The following DAB1 variants were observed in gnomAD, a reference collection of about 807,000 sequenced individuals.
DAB1 encodes the protein DAB adaptor protein 1.
In DAB1, 15 loss-of-function variants were observed where a neutral mutation model predicts 64.6. The observed-to-expected ratio is 0.23, with a 90% CI of 0.16 to 0.36. The LOEUF (loss-of-function observed/expected upper bound fraction) is 0.36, where lower values mean the gene tolerates loss of function less well. DAB1 is among the 10% of genes least tolerant of loss of function. The probability of loss-of-function intolerance (pLI) is 1.00; values close to 1 mark genes in which losing one functional copy is unlikely to be tolerated. For missense variants in DAB1, 596 were observed against 706.7 expected (o/e 0.84, Z 1.78); for synonymous variants, 235 against 251.9 (o/e 0.93, Z 0.64).
chr1:57,708,878 A>G (rs1291437221), intron 6 of DAB1, among the ~76,000 whole-genome samples: 1 of 151,836 alleles, frequency 6.6e-6, no homozygotes, highest in African/African-American at 2.4e-5. Context: ...TTATGTTCAG[A>G]TCAGGCACTG....
At chr1:57,675,963 C>G (rs1201318620) in intron 6 of DAB1, among the ~76,000 whole-genome samples, 1 of 152,116 alleles carries the variant, frequency 6.6e-6, no homozygotes, top group East Asian at 1.9e-4. Context: ...AAACAGCACC[C>G]AGAAGTAGAG....
At chr1:58,033,043 G>A (rs1407397797) in intron 5 of DAB1, among the ~76,000 whole-genome samples, 1 of 152,098 alleles carries the variant, frequency 6.6e-6, no homozygotes, top group African/African-American at 2.4e-5. Flanking sequence ...CCTTTGTGTT[G>A]GATAGCTTTA....
rs7545059 is a variant in DAB1, at chr1:58,263,200, T to A, written n.309+80152A>T. Reference sequence around the variant, plus strand: ...GATTCCTTTTACTTTTTGGGAGCTGTAAAAAGTCCTGCTGTTTGGATAAGA... The same window carrying A: ...GATTCCTTTTACTTTTTGGGAGCTGAAAAAAGTCCTGCTGTTTGGATAAGA... On this transcript the variant is annotated intron_variant and non_coding_transcript_variant, in intron 4 of 20. Transcript: ENST00000485760. Among the ~76,000 whole-genome samples the A allele has an allele frequency of 8.5e-4, 130 of 152,344 alleles. 1 individual carries two copies. The highest frequency in any genetic ancestry group is 3.0e-3 in the African/African-American group (124 of 41,578).
intron 3 of DAB1, among the ~76,000 whole-genome samples, chr1:58,494,293 T>C (rs1217516869): frequency 6.6e-6 from 1 of 152,152 alleles, no homozygotes; most frequent in African/African-American, 2.4e-5. Context: ...ACTTAAATGT[T>C]AGACCTAAAA....
chr1:58,404,884 T>C (rs931460101), intron 3 of DAB1, among the ~76,000 whole-genome samples: 2 of 152,166 alleles, frequency 1.3e-5, no homozygotes, highest in African/African-American at 4.8e-5. Context: ...TGTCTCTCCT[T>C]GTTTTTCCTT....
chr1:57,762,696 T>C (rs1379721147), intron 6 of DAB1, among the ~76,000 whole-genome samples: 1 of 152,210 alleles, frequency 6.6e-6, no homozygotes, highest in African/African-American at 2.4e-5. Context: ...TGCCAGTCTG[T>C]GGACCAGAAT....
In DAB1 at chr1:57,461,384, C is replaced by T. The variant is rs116088229; in HGVS notation, n.626-170218G>A. ...CTATTTTCCCTCAAACATAAACCCA[C>T]TCCACTTTAAACTAAAATATGTAGT... On this transcript the variant is annotated intron_variant and non_coding_transcript_variant, in intron 7 of 20. Coordinates refer to the DAB1 transcript ENST00000485760. Among the ~76,000 whole-genome samples the T allele has an allele frequency of 9.7e-3, 1,480 of 152,292 alleles. 22 individuals carry two copies. The highest frequency in any genetic ancestry group is 0.025 in the South Asian group (119 of 4,822).
At chr1:57,285,672 T>A (rs1387514303) in intron 2 of DAB1, among the ~76,000 whole-genome samples, 1 of 152,158 alleles carries the variant, frequency 6.6e-6, no homozygotes, top group African/African-American at 2.4e-5. Flanking sequence ...AGGAGGCTAA[T>A]TAACCTGTCT....
chr1:58,079,934 A>G (rs1396930494), intron 5 of DAB1: 3 of 152,190 alleles, frequency 2.0e-5, no homozygotes, highest in Admixed American at 6.5e-5. Context: ...TAGGTGCTTC[A>G]TAAGTGTTTT....
chr1:57,639,253 G>T (rs72676986), intron 7 of DAB1, among the ~76,000 whole-genome samples: 20,930 of 110,922 alleles, frequency 0.19, 4,340 homozygotes, highest in Middle Eastern at 0.27. Flanking sequence ...CTTTAGTAAA[G>T]AACTTTAGTA....
chr1:57,892,017 T>C (rs1348077424), intron 5 of DAB1, among the ~76,000 whole-genome samples: 7 of 152,130 alleles, frequency 4.6e-5, no homozygotes, highest in Non-Finnish European at 7.4e-5. Flanking sequence ...ACAAAATACA[T>C]ATGCCCTTGC....
At chr1:58,007,247 A>T (rs1267169891) in intron 5 of DAB1, among the ~76,000 whole-genome samples, 1 of 152,144 alleles carries the variant, frequency 6.6e-6, no homozygotes, top group East Asian at 1.9e-4. Context: ...AAATGATAAC[A>T]TTAAAAAAAA....
intron 1 of DAB1, among the ~76,000 whole-genome samples, chr1:57,335,582 G>A (rs570487872): frequency 1.3e-5 from 2 of 152,258 alleles, no homozygotes; most frequent in East Asian, 3.9e-4. Flanking sequence ...TAAAATCCAT[G>A]CCAGTTTTGT....
At chr1:57,147,347 C>T (rs1659244859) in intron 2 of DAB1, among the ~76,000 whole-genome samples, 1 of 150,252 alleles carries the variant, frequency 6.7e-6, no homozygotes, top group Admixed American at 6.7e-5. Context: ...GTAGAAGACA[C>T]AATCCTGGGA....
At chr1:57,761,210 C>T (rs1474829580) in intron 6 of DAB1, among the ~76,000 whole-genome samples, 1 of 152,158 alleles carries the variant, frequency 6.6e-6, no homozygotes, top group Admixed American at 6.6e-5. Flanking sequence ...TGAGTTGGTG[C>T]CTTTAACAAG....
chr1:58,418,092 AC>A (rs1335479995), intron 3 of DAB1, among the ~76,000 whole-genome samples: 2 of 152,094 alleles, frequency 1.3e-5, no homozygotes, highest in African/African-American at 4.8e-5. Context: ...CCACCAAGGC[AC>A]TGTGCAATTC....
intron 7 of DAB1, among the ~76,000 whole-genome samples, chr1:57,474,510 T>C (rs997420765): frequency 6.6e-6 from 1 of 152,220 alleles, no homozygotes; most frequent in Non-Finnish European, 1.5e-5. Flanking sequence ...ATGATTTACA[T>C]TTCCTGTAGT....
At chr1:58,281,706 A>G (rs1661567748) in intron 4 of DAB1, among the ~76,000 whole-genome samples, 2 of 152,146 alleles carry the variant, frequency 1.3e-5, no homozygotes, top group Non-Finnish European at 2.9e-5. Flanking sequence ...CAAGCTACTT[A>G]TACACTTCCT....
At chr1:58,215,976 CATGGATGGATGGATGG>C (rs71733910) in intron 4 of DAB1, among the ~76,000 whole-genome samples, 2 of 151,982 alleles carry the variant, frequency 1.3e-5, no homozygotes, top group African/African-American at 4.8e-5. Context: ...TGAATGAATG[CATGGATGGATGGATGG>C]ATGGATGGGT....
Sources: gnomAD v4.1 joint callset for allele counts (sites outside exome capture counted in the v4.1 genomes callset) on GRCh38, gnomAD v4.1.1 for gene constraint, MANE v1.5 for transcripts, NCBI Gene and HGNC (gene_info 2026-07-23, HGNC 2026-07-21) for gene names.